Variants in ZRANB2 observed in about 807,000 individuals in gnomAD.
ZRANB2 encodes zinc finger Ran-binding domain-containing protein 2.
A neutral mutation model predicts 53.4 loss-of-function variants in ZRANB2; 19 were observed. The observed-to-expected ratio is 0.36, with a 90% CI of 0.25 to 0.52. ZRANB2 has a LOEUF of 0.52. Ranked by LOEUF, ZRANB2 falls within the 20% of genes least tolerant of loss-of-function variation. The pLI is 0.93. For missense variants in ZRANB2, 309 were observed against 401.1 expected (o/e 0.77, Z 1.96); for synonymous variants, 145 against 134.8 (o/e 1.08, Z -0.52).
chr1:71,078,426 G>T, intron 3 of ZRANB2, 31 bp downstream of exon 3: 1 of 1,575,676 alleles, frequency 6.3e-7, no homozygotes, highest in Non-Finnish European at 8.7e-7. Context: ...TATTTTGGAA[G>T]AAAGAGCAGA....
intron 8 of ZRANB2, among the ~76,000 whole-genome samples, chr1:71,068,888 A>C (rs1188903509): frequency 6.6e-6 from 1 of 151,706 alleles, no homozygotes; most frequent in Non-Finnish European, 1.5e-5. Flanking sequence ...TCCTGGCCTC[A>C]AGTGATCCTC....
Position 71,080,154 on chromosome 1 carries a change from T to G in ZRANB2, c.56+786A>C, listed in dbSNP as rs935831423. Among the ~76,000 whole-genome samples the G allele has an allele frequency of 5.9e-5, 9 of 152,314 alleles. No homozygotes were observed. In the Middle Eastern group the frequency reaches 0.017, roughly 288 times the overall value. On this transcript the variant is annotated intron_variant, in intron 1 of 9. Transcript: ENST00000370920. ...AAGGCTTTTATGTGAACATGAGTTG[T>G]ACATTAAATTATTTTCCATGTTATT...
At chr1:71,067,179 T>C (rs1416807076) in intron 8 of ZRANB2, 1 of 314,002 alleles carries the variant, frequency 3.2e-6, no homozygotes, top group East Asian at 5.8e-5. Context: ...GCTTACTATA[T>C]CAAAATAGAA....
intron 4 of ZRANB2, among the ~76,000 whole-genome samples, chr1:71,073,984 G>A (rs1373024972): frequency 7.2e-5 from 11 of 152,048 alleles, no homozygotes; most frequent in African/African-American, 1.9e-4. Flanking sequence ...GTATGTTTCC[G>A]TCATTCTACT....
intron 8 of ZRANB2, among the ~76,000 whole-genome samples, chr1:71,068,414 A>G (rs979900403): frequency 2.6e-5 from 4 of 152,182 alleles, no homozygotes; most frequent in Non-Finnish European, 5.9e-5. Context: ...TATTTTGACT[A>G]AACAAAGAAA....
chr1:71,077,164 C>A (rs906408027), intron 3 of ZRANB2, among the ~76,000 whole-genome samples: 1 of 152,112 alleles, frequency 6.6e-6, no homozygotes, highest in African/African-American at 2.4e-5. Flanking sequence ...TCGAGTATCA[C>A]TAATCCACAA....
Position 71,081,027 on chromosome 1 carries a change from T to A in ZRANB2, c.-32A>T. On this transcript the variant is annotated 5_prime_UTR_variant, in exon 1 of 10. Coordinates refer to ENST00000370920, the MANE Select transcript of ZRANB2 (RefSeq NM_203350.3). ...CGCCACCAGCACAGCCACCCGCAGCTATGTCTTCACAGGAGGAAAACGGGC... is the reference window on the plus strand; with the variant it reads ...CGCCACCAGCACAGCCACCCGCAGCAATGTCTTCACAGGAGGAAAACGGGC... 6.2e-7 allele frequency: 1 copy of A among 1,613,986 alleles called. No homozygotes were observed. The highest frequency in any genetic ancestry group is 1.1e-5 in the South Asian group (1 of 91,084).
At position 71,065,157 on chromosome 1, in the gene ZRANB2, G is replaced by A. The variant is rs1337728908; in HGVS notation, c.930-20C>T. ...TGGCGTCTGTAAGACATAATGGAGA[G>A]AGTAGGCATTCTAGTAAGCTAGAGC... On this transcript the variant is annotated intron_variant, in intron 9 of 9. Transcript: ENST00000370920. 1 of 1,590,156 alleles carries A rather than the reference G, an allele frequency of 6.3e-7. No homozygotes were observed. Among genetic ancestry groups the A allele is most frequent in the Non-Finnish European group, 8.6e-7 (1 of 1,160,398 alleles).
rs1167093475 is a variant in ZRANB2, at chr1:71,064,272, G to A, written c.*802C>T. 1 of 152,072 alleles carries A rather than the reference G, an allele frequency of 6.6e-6. No homozygotes were observed. Among genetic ancestry groups the A allele is most frequent in the African/African-American group, 2.4e-5 (1 of 41,404 alleles). 9.4% of individuals were successfully genotyped at this position (152,072 alleles called of 1,614,324 possible). On this transcript the variant is annotated 3_prime_UTR_variant, in exon 10 of 10. Transcript: ENST00000370920. ...CAATTTGCTCATTAAGTATGATTTA[G>A]CCTTTTCTACCATATTATATTTGGT... is the stretch of plus-strand genomic sequence containing the variant.
At position 71,067,516 on chromosome 1, in the gene ZRANB2, C is replaced by T. The variant is rs1392875618; in HGVS notation, c.771-582G>A. The T allele has an allele frequency of 9.5e-6, 3 of 316,802 alleles. No individual in the cohort carries two copies. The East Asian group carries it at 4.5e-4, about 47-fold the overall frequency. The allele number at this position is 316,802 out of a possible 1,614,324, so 19.6% of individuals were successfully genotyped here. A position where few individuals can be genotyped will look rare whatever the true frequency, so the allele number is the denominator to read the frequency against. On this transcript the variant is annotated intron_variant, in intron 8 of 9. Coordinates refer to ENST00000370920, the MANE Select transcript of ZRANB2 (RefSeq NM_203350.3). Reference sequence around the variant, plus strand: ...TTACAATACTATTTTTATGAAAACCCACTACTTATGAAATATGAAGTGTTG... The same window carrying T: ...TTACAATACTATTTTTATGAAAACCTACTACTTATGAAATATGAAGTGTTG...
chr1:71,066,059 A>C (rs547290383), intron 9 of ZRANB2: 1 of 190,168 alleles, frequency 5.3e-6, no homozygotes, highest in East Asian at 1.2e-4. Flanking sequence ...TCACAAGCTA[A>C]TAAAATATGA....
rs1446038098 is a variant in ZRANB2, at chr1:71,063,688, A to T, written c.*1386T>A. 6.6e-6 allele frequency: 1 copy of T among 152,452 alleles called. No homozygotes were observed. Among genetic ancestry groups the T allele is most frequent in the Non-Finnish European group, 1.5e-5 (1 of 67,894 alleles). 9.4% of individuals were successfully genotyped at this position (152,452 alleles called of 1,614,324 possible). A position where few individuals can be genotyped will look rare whatever the true frequency, so the allele number is the denominator to read the frequency against. On this transcript the variant is annotated 3_prime_UTR_variant, in exon 10 of 10. Transcript: ENST00000370920. Reference sequence around the variant, plus strand: ...AAACATGGGAAAGCTCACTGTAAAAATATTATCAAAATATTTCTACATAAG... The same window carrying T: ...AAACATGGGAAAGCTCACTGTAAAATTATTATCAAAATATTTCTACATAAG...
chr1:71,074,591 A>G (rs149687365), intron 4 of ZRANB2, among the ~76,000 whole-genome samples: 100 of 152,278 alleles, frequency 6.6e-4, no homozygotes, highest in Non-Finnish European at 1.1e-3. Flanking sequence ...TATTCTAAGG[A>G]AAGAATCCAA....
At chr1:71,076,036 G>C (rs1661703292) in intron 4 of ZRANB2, among the ~76,000 whole-genome samples, 1 of 152,150 alleles carries the variant, frequency 6.6e-6, no homozygotes, top group African/African-American at 2.4e-5. Context: ...GAGAGGCAAA[G>C]AAAACAGGGA....
At chr1:71,073,278 T>C (rs1301193501) in intron 4 of ZRANB2, among the ~76,000 whole-genome samples, 2 of 151,994 alleles carry the variant, frequency 1.3e-5, no homozygotes, top group Non-Finnish European at 2.9e-5. Context: ...TGAGCTAGTT[T>C]TAGGAAAAGT....
At chr1:71,068,797 ATT>A (rs778528498) in intron 8 of ZRANB2, among the ~76,000 whole-genome samples, 4 of 143,722 alleles carry the variant, frequency 2.8e-5, no homozygotes, top group East Asian at 2.0e-4. Context: ...ACTACTATTA[ATT>A]TTTTTTTTTT....
chr1:71,079,418 TA>T (rs1661785394), intron 1 of ZRANB2, among the ~76,000 whole-genome samples: 1 of 152,134 alleles, frequency 6.6e-6, no homozygotes, highest in Non-Finnish European at 1.5e-5. Context: ...TGTATATTGG[TA>T]AAAGTATGTT....
In ZRANB2 at chr1:71,072,264, A is replaced by T; in HGVS notation, c.379-9T>A. On this transcript the variant is annotated splice_polypyrimidine_tract_variant and intron_variant, in intron 5 of 9. Transcript: ENST00000370920. The stretch of plus-strand genomic sequence containing the variant: ...TTCTTTTTACGTCCAAACTAGAGAA[A>T]AACAATTTCAAAATGCTTGTCAGCT... 1 of 1,601,518 alleles carries T rather than the reference A, an allele frequency of 6.2e-7. No individual in the cohort carries two copies. The highest frequency in any genetic ancestry group is 8.5e-7 in the Non-Finnish European group (1 of 1,176,746).
chr1:71,080,616 G>A (rs1398047524), intron 1 of ZRANB2, among the ~76,000 whole-genome samples: 2 of 137,204 alleles, frequency 1.5e-5, no homozygotes, highest in Non-Finnish European at 3.1e-5. Flanking sequence ...GGCCTGACTG[G>A]AGAGGTTTCC....
Sources: gnomAD v4.1 joint callset for allele counts (sites outside exome capture counted in the v4.1 genomes callset) on GRCh38, gnomAD v4.1.1 for gene constraint, MANE v1.5 for transcripts, NCBI Gene and HGNC (gene_info 2026-07-23, HGNC 2026-07-21) for gene names.